SRCIN1: variants seen among roughly 807,000 people sequenced by gnomAD.
SRCIN1 encodes SRC kinase signaling inhibitor 1, also known as P130Cas-associated protein.
SRCIN1 carries 50 observed loss-of-function variants against 116.2 expected under a neutral mutation model. The ratio of observed to expected loss-of-function variants is 0.43; its 90% CI spans 0.34 to 0.54. The LOEUF is 0.54. Ranked by LOEUF, SRCIN1 falls within the 20% of genes least tolerant of loss-of-function variation. SRCIN1 has a pLI of 0.02. For synonymous variants in SRCIN1, 736 were observed against 750.0 expected (o/e 0.98, Z 0.30); for missense variants, 1,446 against 1,672.0 (o/e 0.86, Z 2.36).
intron 18 of SRCIN1, among the ~76,000 whole-genome samples, chr17:38,534,120 C>A (rs2040967057): frequency 6.6e-6 from 1 of 152,158 alleles, no homozygotes; most frequent in Non-Finnish European, 1.5e-5. Context: ...CTTGTCCTGC[C>A]CTCACTGGTC....
intron 3 of SRCIN1, among the ~76,000 whole-genome samples, 179 bp from the exon 4 acceptor site, chr17:38,564,492 T>C (rs1365010176): frequency 6.6e-6 from 1 of 151,986 alleles, no homozygotes; most frequent in Non-Finnish European, 1.5e-5. Flanking sequence ...CCCCAGTCTC[T>C]GCTGGCCTTG....
Position 38,548,710 on chromosome 17 carries a change from C to T in SRCIN1, c.3118-1G>A, listed in dbSNP as rs551173227. 2.5e-6 allele frequency: 4 copies of T among 1,593,840 alleles called. No homozygotes were observed. The East Asian group carries it at 8.9e-5, about 36-fold the overall frequency. On this transcript the variant is annotated splice_acceptor_variant, in intron 16 of 18. Coordinates refer to ENST00000617146, the MANE Select transcript of SRCIN1 (RefSeq NM_025248.3). LOFTEE classifies it high-confidence loss of function. ...CCTCCAGCTCCTCGGACTCAGCCTTCTGCAAGGCCCGGGACTCCTGTCAAG... is the reference window on the plus strand; with the variant it reads ...CCTCCAGCTCCTCGGACTCAGCCTTTTGCAAGGCCCGGGACTCCTGTCAAG...
At chr17:38,576,326 G>A (rs577293645) in intron 2 of SRCIN1, among the ~76,000 whole-genome samples, 1 of 152,088 alleles carries the variant, frequency 6.6e-6, no homozygotes, top group South Asian at 2.1e-4. Context: ...ATCCCGGCCA[G>A]TCGCGATGTC....
At chr17:38,557,979 C>T (rs1358548115) in intron 11 of SRCIN1, among the ~76,000 whole-genome samples, 4 of 152,148 alleles carry the variant, frequency 2.6e-5, no homozygotes, top group Non-Finnish European at 4.4e-5. Context: ...GAGTGTGGAT[C>T]ATTATGAAGC....
chr17:38,600,700 A>C (rs927693495), intron 1 of SRCIN1, among the ~76,000 whole-genome samples: 8 of 152,232 alleles, frequency 5.3e-5, no homozygotes, highest in Non-Finnish European at 1.5e-5. Context: ...TGCCGGCTGC[A>C]GTATCAGGCC....
upstream of SRCIN1, among the ~76,000 whole-genome samples, chr17:38,606,293 T>C (rs62077548): frequency 0.068 from 10,144 of 149,634 alleles, 357 homozygotes; most frequent in Middle Eastern, 0.16. This position sits in a 1 kb window ranked among gnomAD's most constrained non-coding sequence, Gnocchi z 5.2. Flanking sequence ...GGAGGACTCC[T>C]GGGTCTCCAA....
chr17:38,578,438 C>A, intron 2 of SRCIN1, 52 bp downstream of exon 2: 2 of 1,524,644 alleles, frequency 1.3e-6, no homozygotes, highest in Non-Finnish European at 1.8e-6. Flanking sequence ...GACCTCCTCC[C>A]CTGCCCGCTG....
rs1906841967 is a variant in SRCIN1, at chr17:38,568,133, C to T, written c.345+78G>A. 6.4e-7 allele frequency: 1 copy of T among 1,563,446 alleles called. No homozygotes were observed. Among genetic ancestry groups the T allele is most frequent in the African/African-American group, 1.4e-5 (1 of 73,964 alleles). ...TGCAGATGCGCACCCCGGTGCAAAGCCTGTGCAAGGGAGAGGCAGGGGCAG... is the reference window on the plus strand; with the variant it reads ...TGCAGATGCGCACCCCGGTGCAAAGTCTGTGCAAGGGAGAGGCAGGGGCAG... On this transcript the variant is annotated intron_variant, in intron 3 of 18. Transcript: ENST00000617146. The surrounding 1 kb of genome is among the most constrained non-coding windows in gnomAD (Gnocchi z 4.5).
At chr17:38,601,977 G>A (rs375369160) in intron 1 of SRCIN1, among the ~76,000 whole-genome samples, 4 of 152,252 alleles carry the variant, frequency 2.6e-5, no homozygotes, top group East Asian at 3.9e-4. Context: ...CAGGGAGCGG[G>A]AGGGGAGGAA....
rs768329426 is a variant in SRCIN1 at position 38,568,251 on chromosome 17, A to C, written c.325-20T>G. 2 of 1,612,314 alleles carry C rather than the reference A, an allele frequency of 1.2e-6. No individual in the cohort carries two copies. Among genetic ancestry groups the C allele is most frequent in the East Asian group, 4.5e-5 (2 of 44,854 alleles). On this transcript the variant is annotated intron_variant, in intron 2 of 18. Coordinates refer to ENST00000617146, the MANE Select transcript of SRCIN1 (RefSeq NM_025248.3). This position sits in a 1 kb window ranked among gnomAD's most constrained non-coding sequence, Gnocchi z 4.5. The stretch of plus-strand genomic sequence containing the variant: ...GTTTGGCTGCTGATGGAAATAAGAG[A>C]AGAGATGGTTATGAGGGGGCCCAGG...
intron 15 of SRCIN1, among the ~76,000 whole-genome samples, 175 bp from the exon 16 acceptor site, chr17:38,549,385 A>G (rs1474342737): frequency 6.6e-6 from 1 of 152,014 alleles, no homozygotes; most frequent in African/African-American, 2.4e-5. Flanking sequence ...TCTCCTGCAC[A>G]CAAGCCCCAA....
At chr17:38,566,864 C>T (rs1000263158) in intron 3 of SRCIN1, among the ~76,000 whole-genome samples, 173 of 43,550 alleles carry the variant, frequency 4.0e-3, no homozygotes, top group African/African-American at 0.012. Context: ...TGTTTTGTTT[C>T]GTTTCCTTCC....
At chr17:38,543,523 C>T (rs551770975) in intron 18 of SRCIN1, among the ~76,000 whole-genome samples, 8 of 152,322 alleles carry the variant, frequency 5.3e-5, no homozygotes, top group Admixed American at 4.6e-4. Flanking sequence ...GCTCGCCCCT[C>T]CTCCAGGAGC....
chr17:38,580,374 C>T (rs1470071696), intron 1 of SRCIN1, among the ~76,000 whole-genome samples: 3 of 152,106 alleles, frequency 2.0e-5, no homozygotes, highest in African/African-American at 7.2e-5. Context: ...GGACCCAGCA[C>T]CTCCCACCGA....
intron 1 of SRCIN1, among the ~76,000 whole-genome samples, chr17:38,591,357 G>T (rs1295431495): frequency 1.3e-5 from 2 of 152,138 alleles, no homozygotes; most frequent in Admixed American, 1.3e-4. Flanking sequence ...CTCCTGAACC[G>T]GAACCTTCTG....
At chr17:38,586,719 G>A (rs1348182074) in intron 1 of SRCIN1, among the ~76,000 whole-genome samples, 1 of 152,338 alleles carries the variant, frequency 6.6e-6, no homozygotes, top group African/African-American at 2.4e-5. Context: ...GATGCAAAGG[G>A]CAGCTAGGGA....
Position 38,562,114 on chromosome 17 carries a change from T to C in SRCIN1, c.1049A>G (p.Glu350Gly). The change falls in exon 7 of 19, where the codon GAG (glutamate) becomes GGG (glycine). Residue 350 changes from glutamate to glycine, a missense_variant. Around this residue, in one of 5 missense-constraint regions of SRCIN1, gnomAD observed 239 missense variants for 317.7 expected, o/e 0.75. Coordinates refer to ENST00000617146, the MANE Select transcript of SRCIN1 (RefSeq NM_025248.3). This position sits in a 1 kb window ranked among gnomAD's most constrained non-coding sequence, Gnocchi z 4.2. Reference protein sequence around the residue: ...YAGSPVHHAAERLGGAPAAQG... With the variant: ...YAGSPVHHAAGRLGGAPAAQG... ...GGCGGCCGGGGCGCCTCCCAGCCTC[T>C]CGGCCGCGTGGTGCACCGGGCTGCC... The C allele has an allele frequency of 7.1e-7, 1 of 1,406,064 alleles. No individual in the cohort carries two copies. The highest frequency in any genetic ancestry group is 9.2e-7 in the Non-Finnish European group (1 of 1,087,368). 87.1% of individuals were successfully genotyped at this position (1,406,064 alleles called of 1,614,324 possible).
intron 1 of SRCIN1, among the ~76,000 whole-genome samples, chr17:38,579,232 T>G (rs768750701): frequency 2.4e-4 from 37 of 151,992 alleles, no homozygotes; most frequent in Non-Finnish European, 2.9e-4. Flanking sequence ...GACGTGAAAA[T>G]GAGCTCGTAG....
Position 38,564,227 on chromosome 17 carries a change from C to T in SRCIN1, c.432G>A (p.Leu144=). The change falls in exon 4 of 19, where the codon CTG becomes CTA. Residue 144 remains leucine, a synonymous_variant. Coordinates refer to ENST00000617146, the MANE Select transcript of SRCIN1 (RefSeq NM_025248.3). ...AKLSYASAES[L]ETMSEAELPL... ...GCAGCTCGGCCTCCGACATGGTCTCCAGCGACTCGGCGGAGGCGTAGGACA... is the reference window on the plus strand; with the variant it reads ...GCAGCTCGGCCTCCGACATGGTCTCTAGCGACTCGGCGGAGGCGTAGGACA... 1 of 1,581,816 alleles carries T rather than the reference C, an allele frequency of 6.3e-7. No homozygotes were observed. Among genetic ancestry groups the T allele is most frequent in the Non-Finnish European group, 8.6e-7 (1 of 1,165,358 alleles).
Sources: gnomAD v4.1 joint callset for allele counts (sites outside exome capture counted in the v4.1 genomes callset) on GRCh38, gnomAD v4.1.1 for gene constraint, gnomAD v4.1.1 regional missense constraint, Gnocchi (gnomAD v3.1) non-coding constraint, MANE v1.5 for transcripts, NCBI Gene and HGNC (gene_info 2026-07-23, HGNC 2026-07-21) for gene names.